Variants in FBXO15 observed in about 807,000 individuals in gnomAD.
FBXO15 encodes F-box protein 15.
A neutral mutation model predicts 49.5 loss-of-function variants in FBXO15; 30 were observed. The ratio of observed to expected loss-of-function variants is 0.61; its 90% CI spans 0.45 to 0.82. The LOEUF (loss-of-function observed/expected upper bound fraction) is 0.82. Among genes scored for constraint, FBXO15 ranks in the 40% least tolerant of loss-of-function variants. The pLI is 0.00. For synonymous variants in FBXO15, 250 were observed against 232.7 expected, an observed-to-expected ratio of 1.07 and a Z score of -0.68; for missense variants, 591 against 631.5, an observed-to-expected ratio of 0.94 and a Z score of 0.69.
At chr18:74,094,955 C>T (rs1913212997) in intron 8 of FBXO15, among the ~76,000 whole-genome samples, 1 of 152,230 alleles carries the variant, frequency 6.6e-6, no homozygotes, top group African/African-American at 2.4e-5. Flanking sequence ...TGCAACTTCC[C>T]CTCAGCACTT....
At chr18:74,086,669 C>G (rs548781218) in intron 8 of FBXO15, among the ~76,000 whole-genome samples, 45 of 152,190 alleles carry the variant, frequency 3.0e-4, no homozygotes, top group Admixed American at 9.8e-4. Context: ...CTCAGCCTCC[C>G]AAAGTACTGG....
chr18:74,127,510 GA>G (rs1261297711), intron 5 of FBXO15, among the ~76,000 whole-genome samples: 35 of 152,120 alleles, frequency 2.3e-4, no homozygotes, highest in African/African-American at 7.2e-4. Flanking sequence ...TCTCATAGAG[GA>G]AACAAAAAAG....
At chr18:74,101,561 T>C (rs1394900963) in intron 8 of FBXO15, among the ~76,000 whole-genome samples, 1 of 152,100 alleles carries the variant, frequency 6.6e-6, no homozygotes, top group African/African-American at 2.4e-5. Flanking sequence ...ATAAATTCAA[T>C]ACAATTCCCA....
intron 8 of FBXO15, among the ~76,000 whole-genome samples, chr18:74,120,074 G>A (rs988232576): frequency 4.6e-5 from 7 of 152,222 alleles, no homozygotes; most frequent in Non-Finnish European, 1.0e-4. Context: ...AAGGCACAGC[G>A]TTTGTACCCT....
intron 8 of FBXO15, among the ~76,000 whole-genome samples, chr18:74,094,524 T>C (rs993784798): frequency 6.6e-5 from 10 of 152,230 alleles, no homozygotes; most frequent in Non-Finnish European, 1.2e-4. Flanking sequence ...TACCTAATCC[T>C]GAGTATTTCT....
In FBXO15 at chr18:74,074,864, A is replaced by G. The variant is rs1912194134; in HGVS notation, c.1264-1134T>C. Among the ~76,000 whole-genome samples, 1 of 152,146 alleles carries G rather than the reference A, an allele frequency of 6.6e-6. No individual in the cohort carries two copies. Among genetic ancestry groups the G allele is most frequent in the Non-Finnish European group, 1.5e-5 (1 of 68,022 alleles). ...TGCCCATGGACCTAGCCCACCCACT[A>G]GCCAGCCCTTCCTTCTCCCGCCTCT... On this transcript the variant is annotated intron_variant, in intron 9 of 9. Coordinates refer to ENST00000419743, the MANE Select transcript of FBXO15 (RefSeq NM_001142958.2). The surrounding 1 kb of genome is among the most constrained non-coding windows in gnomAD (Gnocchi z 4.7).
At chr18:74,090,663 AG>A (rs1912984544) in intron 8 of FBXO15, among the ~76,000 whole-genome samples, 2 of 152,306 alleles carry the variant, frequency 1.3e-5, no homozygotes, top group African/African-American at 4.8e-5. Context: ...TTTCCCAAAA[AG>A]TCACTCAGGA....
chr18:74,128,134 T>A (rs1978296793), intron 5 of FBXO15, among the ~76,000 whole-genome samples: 1 of 152,256 alleles, frequency 6.6e-6, no homozygotes, highest in South Asian at 2.1e-4. Flanking sequence ...AGTAATATAT[T>A]TAGGAAAAAT....
At chr18:74,117,257 T>TG (rs1253252668) in intron 8 of FBXO15, among the ~76,000 whole-genome samples, 2 of 152,164 alleles carry the variant, frequency 1.3e-5, no homozygotes, top group East Asian at 1.9e-4. Flanking sequence ...ATCTTTTTAC[T>TG]GGGGGGAAAA....
At chr18:74,093,648 A>G (rs1913154080) in intron 8 of FBXO15, among the ~76,000 whole-genome samples, 1 of 152,256 alleles carries the variant, frequency 6.6e-6, no homozygotes, top group Admixed American at 6.5e-5. Flanking sequence ...ATTTAGTCAC[A>G]GCAGGCCCCA....
At chr18:74,146,134 C>A (rs1051274087) in intron 1 of FBXO15, among the ~76,000 whole-genome samples, 4 of 152,120 alleles carry the variant, frequency 2.6e-5, no homozygotes, top group African/African-American at 9.7e-5. Flanking sequence ...TCTGGCAAAT[C>A]AAATAAATTA....
At chr18:74,093,063 G>T (rs916944982) in intron 8 of FBXO15, among the ~76,000 whole-genome samples, 1 of 152,180 alleles carries the variant, frequency 6.6e-6, no homozygotes, top group Non-Finnish European at 1.5e-5. Flanking sequence ...CATACCAGCA[G>T]AAGTGGCAAC....
intron 5 of FBXO15, among the ~76,000 whole-genome samples, chr18:74,128,769 A>G (rs1978303804): frequency 6.6e-6 from 1 of 152,230 alleles, no homozygotes; most frequent in South Asian, 2.1e-4. Flanking sequence ...GACTCAGTGC[A>G]AAGCCACCTG....
chr18:74,116,605 C>G (rs1301960494), intron 8 of FBXO15, among the ~76,000 whole-genome samples: 5 of 152,202 alleles, frequency 3.3e-5, no homozygotes, highest in Non-Finnish European at 5.9e-5. Context: ...AGTAACCTGT[C>G]TGGACACTGC....
intron 8 of FBXO15, among the ~76,000 whole-genome samples, chr18:74,085,681 G>A (rs1428682248): frequency 6.6e-6 from 1 of 152,178 alleles, no homozygotes; most frequent in East Asian, 1.9e-4. Flanking sequence ...ATTGATTTTT[G>A]ACAAAGTCAT....
At chr18:74,081,447 C>A (rs1912492448) in intron 9 of FBXO15, among the ~76,000 whole-genome samples, 2 of 152,220 alleles carry the variant, frequency 1.3e-5, no homozygotes, top group South Asian at 4.1e-4. Flanking sequence ...TAAGTCAACT[C>A]TCCCACCCAT....
rs937539705 is a variant in FBXO15 at position 74,075,123 on chromosome 18, G to A, written c.1264-1393C>T. Among the ~76,000 whole-genome samples the A allele has an allele frequency of 9.2e-5, 14 of 152,144 alleles. No individual in the cohort carries two copies. The highest frequency in any genetic ancestry group is 1.3e-4 in the Admixed American group (2 of 15,280). ...TGCACCATCCTCAGCTCGGCCTGAC[G>A]GTCCCACCCTGGCTCTCTGGGTGGC... On this transcript the variant is annotated intron_variant, in intron 9 of 9. Coordinates refer to ENST00000419743, the MANE Select transcript of FBXO15 (RefSeq NM_001142958.2). The surrounding 1 kb of genome is among the most constrained non-coding windows in gnomAD (Gnocchi z 4.1).
At chr18:74,120,935 G>GA (rs932209447) in intron 8 of FBXO15, among the ~76,000 whole-genome samples, 12 of 151,376 alleles carry the variant, frequency 7.9e-5, no homozygotes, top group African/African-American at 2.4e-4. Flanking sequence ...CACTGATCAG[G>GA]AAAAAAAAGA....
chr18:74,111,737 C>T (rs1943922), intron 8 of FBXO15, among the ~76,000 whole-genome samples: 13,538 of 151,862 alleles, frequency 0.089, 1,116 homozygotes, highest in African/African-American at 0.22. Context: ...CAGAAAAATC[C>T]ATGAAACCAA....
Sources: allele counts gnomAD v4.1 joint callset (sites outside exome capture counted in the v4.1 genomes callset), GRCh38; gene constraint gnomAD v4.1.1; non-coding constraint Gnocchi (gnomAD v3.1); transcripts MANE v1.5; gene names NCBI Gene and HGNC (gene_info 2026-07-23, HGNC 2026-07-21).